FRMPD4: variants seen among roughly 807,000 people sequenced by gnomAD.
FRMPD4 encodes FERM and PDZ domain-containing protein 4.
A neutral mutation model predicts 94.1 loss-of-function variants in FRMPD4; 22 were observed. That is an observed-to-expected ratio of 0.23 (90% CI 0.17 to 0.33). FRMPD4 has a LOEUF of 0.33. Ranked by LOEUF, FRMPD4 falls within the 10% of genes least tolerant of loss-of-function variation. FRMPD4 has a pLI of 1.00. For missense variants in FRMPD4, 1,111 were observed against 1,339.9 expected (o/e 0.83, Z 2.67); for synonymous variants, 631 against 548.6 (o/e 1.15, Z -2.10).
intron 3 of FRMPD4, among the ~76,000 whole-genome samples, chrX:12,114,875 G>A (rs1014203744): frequency 7.1e-5 from 8 of 112,011 alleles, no homozygotes; most frequent in Non-Finnish European, 1.5e-4. Flanking sequence ...AAATGTTTCC[G>A]TGTATCTATT....
At chrX:12,018,402 T>C (rs73632664) in intron 3 of FRMPD4, among the ~76,000 whole-genome samples, 1 of 108,860 alleles carries the variant, frequency 9.2e-6, no homozygotes, top group African/African-American at 3.4e-5. Flanking sequence ...TTTCCCCTTC[T>C]TTTTTTTTGT....
In FRMPD4 at chrX:12,609,757, G is replaced by T; in HGVS notation, c.195G>T (p.Arg65=). 8.3e-7 allele frequency: 1 copy of T among 1,208,644 alleles called. No homozygotes were observed. The highest frequency in any genetic ancestry group is 1.1e-6 in the Non-Finnish European group (1 of 892,448). The change falls in exon 3 of 17, where the codon CGG becomes CGT. Residue 65 remains arginine (R), a synonymous_variant. Transcript: ENST00000675598. ...MTQAIPFDDP[R]LESCQIIPPA... ...AGGCAATCCCTTTTGACGACCCTCG[G>T]TTAGAGAGCTGCCAAATCATCCCTC... is the stretch of plus-strand genomic sequence containing the variant.
chrX:12,699,551 T>C (rs2060167050), intron 9 of FRMPD4, among the ~76,000 whole-genome samples: 1 of 112,273 alleles, frequency 8.9e-6, no homozygotes, highest in African/African-American at 3.2e-5. Flanking sequence ...AAATATTGTA[T>C]GCAGAAGCCA....
chrX:12,064,884 T>A (rs1361779845), intron 3 of FRMPD4, among the ~76,000 whole-genome samples: 1 of 112,233 alleles, frequency 8.9e-6, no homozygotes, highest in Non-Finnish European at 1.9e-5. Flanking sequence ...ATTTTCTGTC[T>A]CGTTTAACAA....
At chrX:12,445,178 G>C (rs2057180604) in intron 1 of FRMPD4, among the ~76,000 whole-genome samples, 2 of 111,832 alleles carry the variant, frequency 1.8e-5, no homozygotes, top group African/African-American at 6.5e-5. Context: ...CTCAAAGAGT[G>C]GTCCATGGTT....
chrX:12,673,571 G>A (rs370077960), intron 4 of FRMPD4, among the ~76,000 whole-genome samples: 1 of 111,810 alleles, frequency 8.9e-6, no homozygotes, highest in Non-Finnish European at 1.9e-5. Context: ...ACTGCTACAC[G>A]TGTGTATATT....
chrX:12,324,634 A>G (rs1295283103), intron 1 of FRMPD4, among the ~76,000 whole-genome samples: 1 of 112,182 alleles, frequency 8.9e-6, no homozygotes, highest in Non-Finnish European at 1.9e-5. Flanking sequence ...GCTTATCTAT[A>G]ACAAATTTCA....
In FRMPD4 at chrX:12,642,124, G is replaced by A. The variant is rs142503679; in HGVS notation, c.422+27243G>A. ...TTTAGTAGGCATCCGCTGTGTGTTA[G>A]GCATGATGCAAGGCACTGATTATGG... On this transcript the variant is annotated intron_variant, in intron 4 of 16. Coordinates refer to ENST00000675598, the MANE Select transcript of FRMPD4 (RefSeq NM_001368397.1). Among the ~76,000 whole-genome samples the A allele has an allele frequency of 4.2e-3, 472 of 111,642 alleles. 3 individuals are homozygous for A. Among genetic ancestry groups the A allele is most frequent in the Non-Finnish European group, 7.1e-3 (378 of 53,168 alleles).
chrX:12,446,268 G>GACAA (rs758820757), intron 1 of FRMPD4, among the ~76,000 whole-genome samples: 1 of 112,392 alleles, frequency 8.9e-6, no homozygotes, highest in Non-Finnish European at 1.9e-5. Flanking sequence ...TAGTATGTAT[G>GACAA]ACAAACACTG....
At chrX:12,474,203 A>C (rs1257930659) in intron 1 of FRMPD4, among the ~76,000 whole-genome samples, 1 of 110,572 alleles carries the variant, frequency 9.0e-6, no homozygotes, top group Non-Finnish European at 1.9e-5. Context: ...CCTGCTCCTG[A>C]ATGACTACTG....
chrX:12,171,828 A>G lies in FRMPD4; in HGVS notation c.41+32816A>G, dbSNP rs772221341. On this transcript the variant is annotated intron_variant, in intron 1 of 16. Coordinates refer to ENST00000675598, the MANE Select transcript of FRMPD4 (RefSeq NM_001368397.1). ...CTACCAGAGACTTGGGGATGAAAGAAGAGACTGACAATAGCTAAACACAAT... is the reference window on the plus strand; with the variant it reads ...CTACCAGAGACTTGGGGATGAAAGAGGAGACTGACAATAGCTAAACACAAT... Among the ~76,000 whole-genome samples the G allele has an allele frequency of 1.8e-4, 20 of 112,099 alleles. No individual in the cohort carries two copies. In the East Asian group the frequency reaches 3.6e-3, roughly 20 times the overall value.
Position 12,552,918 on chromosome X carries a change from G to A in FRMPD4, c.158+54122G>A, listed in dbSNP as rs1057238220. Among the ~76,000 whole-genome samples the A allele has an allele frequency of 7.1e-5, 8 of 112,262 alleles. No homozygotes were observed. The Admixed American group carries it at 7.6e-4, about 11-fold the overall frequency. ...TGCCTGTAATCCTAGCACTTTGGGA[G>A]GTGGAGGCGGGAGGATCGCCTGAGC... On this transcript the variant is annotated intron_variant, in intron 2 of 16. Transcript: ENST00000675598.
Position 12,721,285 on chromosome X carries a change from G to C in FRMPD4, c.4716G>C (p.Leu1572=). The C allele has an allele frequency of 1.3e-6, 1 of 755,310 alleles. No individual in the cohort carries two copies. Among genetic ancestry groups the C allele is most frequent in the Non-Finnish European group, 1.6e-6 (1 of 638,568 alleles). 62.2% of individuals were successfully genotyped at this position (755,310 alleles called of 1,213,427 possible). A position where few individuals can be genotyped will look rare whatever the true frequency, so the allele number is the denominator to read the frequency against. ...GSVLKVWAED[L]RDPDDLDFSN... is the part of the protein sequence containing the mutation. Reference sequence around the variant, plus strand: ...TGCTGAAGGTCTGGGCAGAAGACCTGCGAGACCCAGATGACTTGGACTTCA... The same window carrying C: ...TGCTGAAGGTCTGGGCAGAAGACCTCCGAGACCCAGATGACTTGGACTTCA... The change falls in exon 17 of 17, where the codon CTG becomes CTC. Residue 1572 remains leucine, a synonymous_variant. Transcript: ENST00000675598.
At chrX:12,068,493 A>G (rs1244538485) in intron 3 of FRMPD4, among the ~76,000 whole-genome samples, 1 of 112,170 alleles carries the variant, frequency 8.9e-6, no homozygotes, top group Non-Finnish European at 1.9e-5. Context: ...CATTTGGGGA[A>G]CACAGCAGAT....
At chrX:12,476,409 G>A (rs1279637422) in intron 1 of FRMPD4, among the ~76,000 whole-genome samples, 4 of 111,687 alleles carry the variant, frequency 3.6e-5, no homozygotes, top group South Asian at 3.8e-4. Flanking sequence ...CATGGGCAAG[G>A]ACTTCATGTC....
rs757751717 is a variant in FRMPD4, at chrX:12,716,236, C to T, written c.1777C>T (p.Arg593Trp). 7 of 1,208,049 alleles carry T rather than the reference C, an allele frequency of 5.8e-6. No individual in the cohort carries two copies. The highest frequency in any genetic ancestry group is 3.5e-5 in the African/African-American group (2 of 56,914). ...TDSTMCPKEH[R>W]HLYIDNAYSS... ...CAGCACCATGTGTCCAAAAGAGCACCGGCACTTGTACATAGACAATGCCTA... is the reference window on the plus strand; with the variant it reads ...CAGCACCATGTGTCCAAAAGAGCACTGGCACTTGTACATAGACAATGCCTA... The change falls in exon 15 of 17, where the codon CGG becomes TGG. Residue 593 changes from arginine (R) to tryptophan (W), a missense_variant. Arg to Trp is a moderately radical substitution (Grantham distance 101). Coordinates refer to ENST00000675598, the MANE Select transcript of FRMPD4 (RefSeq NM_001368397.1).
chrX:11,877,010 G>A, intron 2 of FRMPD4, among the ~76,000 whole-genome samples: 1 of 112,028 alleles, frequency 8.9e-6, no homozygotes, highest in East Asian at 2.8e-4. Flanking sequence ...CAGCAAAGGA[G>A]TAGCCAGTCC....
At chrX:12,273,859 A>T (rs2054390799) in intron 1 of FRMPD4, among the ~76,000 whole-genome samples, 2 of 112,199 alleles carry the variant, frequency 1.8e-5, no homozygotes, top group Admixed American at 9.4e-5. Flanking sequence ...TTTTTGACCG[A>T]AATGTTTTTT....
intron 2 of FRMPD4, among the ~76,000 whole-genome samples, chrX:12,531,239 G>A (rs772260498): frequency 3.6e-5 from 4 of 112,006 alleles, no homozygotes; most frequent in South Asian, 7.5e-4. Flanking sequence ...TCAATTTCTC[G>A]GCACTTTGTC....
Sources: gnomAD v4.1 joint callset for allele counts (sites outside exome capture counted in the v4.1 genomes callset) on GRCh38, gnomAD v4.1.1 for gene constraint, MANE v1.5 for transcripts, NCBI Gene and HGNC (gene_info 2026-07-23, HGNC 2026-07-21) for gene names.